The following LSAMP variants were observed in gnomAD, a reference collection of about 807,000 sequenced individuals.
LSAMP encodes limbic system-associated membrane protein.
LSAMP carries 7 observed loss-of-function variants against 38.6 expected under a neutral mutation model. That is an observed-to-expected ratio of 0.18 (90% CI 0.10 to 0.34). LSAMP has a LOEUF of 0.34. LSAMP is among the 10% of genes least tolerant of loss of function. The pLI, the probability that LSAMP is intolerant of heterozygous loss-of-function variation, is 1.00. For synonymous variants in LSAMP, 154 were observed against 166.8 expected (o/e 0.92, Z 0.59); for missense variants, 313 against 420.0 (o/e 0.75, Z 2.23).
intron 1 of LSAMP, among the ~76,000 whole-genome samples, chr3:116,136,471 G>A (rs1709250188): frequency 6.6e-6 from 1 of 151,864 alleles, no homozygotes. Flanking sequence ...TGTGATTGCT[G>A]CATTAAATTT....
At chr3:116,283,616 G>C (rs2047157296) in intron 1 of LSAMP, among the ~76,000 whole-genome samples, 1 of 152,090 alleles carries the variant, frequency 6.6e-6, no homozygotes, top group African/African-American at 2.4e-5. Flanking sequence ...GGGCATAAGA[G>C]AATAATCCCA....
intron 2 of LSAMP, among the ~76,000 whole-genome samples, chr3:116,029,419 G>GA (rs1940868029): frequency 6.6e-6 from 1 of 152,020 alleles, no homozygotes; most frequent in South Asian, 2.1e-4. Flanking sequence ...GCTGAGGGTA[G>GA]AAAAAACTCA....
intron 1 of LSAMP, among the ~76,000 whole-genome samples, chr3:116,430,583 A>G (rs2049267343): frequency 1.3e-5 from 2 of 152,174 alleles, no homozygotes; most frequent in Admixed American, 1.3e-4. Context: ...TGACATTTAC[A>G]AAATAAATAC....
intron 3 of LSAMP, among the ~76,000 whole-genome samples, chr3:115,858,110 T>C (rs989507754): frequency 5.1e-4 from 76 of 150,358 alleles, no homozygotes; most frequent in African/African-American, 1.8e-3. Flanking sequence ...CTTTCTCTCC[T>C]CCCTCTCCCT....
At chr3:115,995,684 G>A (rs1939795782) in intron 3 of LSAMP, among the ~76,000 whole-genome samples, 1 of 152,018 alleles carries the variant, frequency 6.6e-6, no homozygotes, top group South Asian at 2.1e-4. Flanking sequence ...GAAGATATAT[G>A]TTTTAGTTCA....
chr3:116,094,738 A>C (rs542176765), intron 1 of LSAMP, among the ~76,000 whole-genome samples: 1 of 152,112 alleles, frequency 6.6e-6, no homozygotes, highest in African/African-American at 2.4e-5. Context: ...AAAAACAAAC[A>C]GTTTAGATCC....
In LSAMP at chr3:115,806,183, C is replaced by T. The variant is rs1365678139; in HGVS notation, c.*4134G>A. The T allele has an allele frequency of 6.6e-6, 1 of 152,184 alleles. No homozygotes were observed. The highest frequency in any genetic ancestry group is 2.4e-5 in the African/African-American group (1 of 41,442). The allele number at this position is 152,184 out of a possible 1,614,324, so 9.4% of individuals were successfully genotyped here. ...ATTACAAAACGGAAAAAGTGGGGCT[C>T]TATGTCTTTCTACGTGAGCATAGAT... On this transcript the variant is annotated 3_prime_UTR_variant, in exon 7 of 7. Transcript: ENST00000490035.
chr3:116,112,517 A>G (rs1399329837), intron 1 of LSAMP, among the ~76,000 whole-genome samples: 2 of 152,238 alleles, frequency 1.3e-5, no homozygotes, highest in Non-Finnish European at 2.9e-5. Flanking sequence ...AGAATCATTC[A>G]TTTAACAATC....
intron 1 of LSAMP, among the ~76,000 whole-genome samples, chr3:116,384,806 A>G (rs147994915): frequency 6.6e-6 from 1 of 152,264 alleles, no homozygotes; most frequent in African/African-American, 2.4e-5. Context: ...AATAGGTACA[A>G]TTTTCTCACA....
intron 1 of LSAMP, among the ~76,000 whole-genome samples, chr3:116,217,750 C>T (rs1217855965): frequency 1.3e-5 from 2 of 152,092 alleles, no homozygotes; most frequent in African/African-American, 2.4e-5. Context: ...GTAATTTGCC[C>T]AGGTTAATGT....
chr3:116,359,635 T>G (rs1199222949), intron 1 of LSAMP, among the ~76,000 whole-genome samples: 1 of 152,202 alleles, frequency 6.6e-6, no homozygotes, highest in Non-Finnish European at 1.5e-5. Flanking sequence ...GTTACATAGG[T>G]AAGCATGTGC....
intron 1 of LSAMP, among the ~76,000 whole-genome samples, chr3:116,087,147 A>T (rs1034694829): frequency 6.6e-6 from 1 of 152,220 alleles, no homozygotes; most frequent in African/African-American, 2.4e-5. Flanking sequence ...AGCAAACATC[A>T]TCTGGCATAA....
intron 1 of LSAMP, among the ~76,000 whole-genome samples, chr3:116,438,060 C>CAAAA (rs10637606): frequency 0.033 from 4,173 of 126,194 alleles, 168 homozygotes; most frequent in Non-Finnish European, 0.051. Flanking sequence ...CAGGTAACTA[C>CAAAA]AAAAAAAAAA....
intron 3 of LSAMP, among the ~76,000 whole-genome samples, chr3:115,914,816 TCAAGCACA>T (rs1373486989): frequency 6.6e-6 from 1 of 152,218 alleles, no homozygotes; most frequent in Non-Finnish European, 1.5e-5. Context: ...CTAAGTACTC[TCAAGCACA>T]CAGATTTTAG....
At chr3:116,406,958 T>C (rs2048905511) in intron 1 of LSAMP, among the ~76,000 whole-genome samples, 1 of 152,080 alleles carries the variant, frequency 6.6e-6, no homozygotes, top group African/African-American at 2.4e-5. Flanking sequence ...AGACAAGTGA[T>C]GGCTCTTTTT....
intron 6 of LSAMP, among the ~76,000 whole-genome samples, chr3:115,839,182 G>C (rs1431465323): frequency 6.6e-6 from 1 of 151,894 alleles, no homozygotes; most frequent in Non-Finnish European, 1.5e-5. Context: ...ATAGACAATT[G>C]ACCCACACGT....
intron 2 of LSAMP, among the ~76,000 whole-genome samples, chr3:116,047,718 T>C (rs1004823094): frequency 6.6e-6 from 1 of 152,206 alleles, no homozygotes; most frequent in African/African-American, 2.4e-5. Flanking sequence ...CCTGTTCACA[T>C]TTCCATAGAT....
At chr3:116,266,806 T>A (rs1057309485) in intron 1 of LSAMP, among the ~76,000 whole-genome samples, 1 of 152,100 alleles carries the variant, frequency 6.6e-6, no homozygotes, top group Non-Finnish European at 1.5e-5. Context: ...ATGATTAGTC[T>A]GTGAGAAAAA....
intron 1 of LSAMP, among the ~76,000 whole-genome samples, chr3:116,120,100 G>C (rs1419244968): frequency 6.6e-6 from 1 of 152,208 alleles, no homozygotes. Context: ...AGATGCTGAT[G>C]ATGGAGAGAT....
Sources: gnomAD v4.1 joint callset for allele counts (sites outside exome capture counted in the v4.1 genomes callset) on GRCh38, gnomAD v4.1.1 for gene constraint, MANE v1.5 for transcripts, NCBI Gene and HGNC (gene_info 2026-07-23, HGNC 2026-07-21) for gene names.